FLG2: variants seen among roughly 807,000 people sequenced by gnomAD.
FLG2 encodes filaggrin 2.
FLG2 carries 7 observed loss-of-function variants against 3.9 expected under a neutral mutation model. The observed-to-expected ratio is 1.79, with a 90% CI of 1.02 to 3.36. The LOEUF (loss-of-function observed/expected upper bound fraction) is 3.36, where lower values mean the gene tolerates loss of function less well. FLG2 is among the 30% of genes most tolerant of loss of function. The pLI, the probability that FLG2 is intolerant of heterozygous loss-of-function variation, is 0.00. For missense variants in FLG2, 2,700 were observed against 2,809.4 expected, an observed-to-expected ratio of 0.96 and a Z score of 0.88; for synonymous variants, 1,031 against 1,056.1, an observed-to-expected ratio of 0.98 and a Z score of 0.46.
At position 152,355,172 on chromosome 1, in the gene FLG2, C is replaced by G; in HGVS notation, c.2614G>C (p.Gly872Arg). ...TGACCTGAGCTTGACCTGTGTTGTC[C>G]AAAGCCAGATGTCTGTCCCGAACTT... Reference protein sequence around the residue: ...GSSSGQTSGFGQHRSSSGQYS... With the variant: ...GSSSGQTSGFRQHRSSSGQYS... The change falls in exon 3 of 3, where the codon GGA (glycine) becomes CGA (arginine). Residue 872 changes from glycine to arginine, a missense_variant. Gly to Arg is a moderately radical substitution (Grantham distance 125). Transcript: ENST00000388718. 1 of 1,565,196 alleles carries G rather than the reference C, an allele frequency of 6.4e-7. No individual in the cohort carries two copies. Among genetic ancestry groups the G allele is most frequent in the Non-Finnish European group, 8.6e-7 (1 of 1,156,752 alleles).
chr1:152,351,223 A>G lies in FLG2; in HGVS notation c.6563T>C (p.Val2188Ala), dbSNP rs775406427. ...ATGTGTGGGTGAGGCCTCTGAGTGC[A>G]CTTCACTATCACTGGACTCACTGTG... ...SSHSESSDSEVHSEASPTHSG... is the reference protein window; with the variant it reads ...SSHSESSDSEAHSEASPTHSG... The change falls in exon 3 of 3, where the codon GTG (valine) becomes GCG (alanine). Residue 2188 changes from valine to alanine, a missense_variant. By Grantham distance (64) the Val-to-Ala change is moderately conservative (BLOSUM62 0). Coordinates refer to ENST00000388718, the MANE Select transcript of FLG2 (RefSeq NM_001014342.3). 1.4e-5 allele frequency: 22 copies of G among 1,611,338 alleles called. No individual in the cohort carries two copies. Among genetic ancestry groups the G allele is most frequent in the Non-Finnish European group, 1.8e-5 (21 of 1,179,258 alleles).
chr1:152,350,960 G>C lies in FLG2; in HGVS notation c.6826C>G (p.Gln2276Glu). ...CTTTGTTGAGATCCAGCTTGGCCCT[G>C]AATGTGTCCTGAATGTGTGTGTGAG... is the stretch of plus-strand genomic sequence containing the variant. Reference protein sequence around the residue: ...WGSHTHSGHIQGQAGSQQRQP... With the variant: ...WGSHTHSGHIEGQAGSQQRQP... The change falls in exon 3 of 3, where the codon CAG becomes GAG. Residue 2276 changes from glutamine to glutamate, a missense_variant. Transcript: ENST00000388718. The C allele has an allele frequency of 6.2e-7, 1 of 1,613,866 alleles. No homozygotes were observed. Among genetic ancestry groups the C allele is most frequent in the Non-Finnish European group, 8.5e-7 (1 of 1,179,916 alleles).
Position 152,351,118 on chromosome 1 carries a change from T to C in FLG2, c.6668A>G (p.His2223Arg), listed in dbSNP as rs751429529. The C allele has an allele frequency of 1.4e-5, 22 of 1,613,924 alleles. No individual in the cohort carries two copies. The highest frequency in any genetic ancestry group is 1.9e-5 in the Non-Finnish European group (22 of 1,180,012). The stretch of plus-strand genomic sequence containing the variant: ...TCTAGTGGTATCTCCTGTCTGTCCA[T>C]GAGTAGTTCCCTGTCTCCCATGACC... ...SSGHGRQGTTHGQTGDTTRHA... is the reference protein window; with the variant it reads ...SSGHGRQGTTRGQTGDTTRHA... The change falls in exon 3 of 3, where the codon CAT becomes CGT. Residue 2223 changes from histidine (H) to arginine (R), a missense_variant. By Grantham distance (29) the His-to-Arg change is conservative. Transcript: ENST00000388718.
chr1:152,354,806 A>G lies in FLG2; in HGVS notation c.2980T>C (p.Ser994Pro). The G allele has an allele frequency of 6.2e-7, 1 of 1,612,890 alleles. No homozygotes were observed. The highest frequency in any genetic ancestry group is 8.5e-7 in the Non-Finnish European group (1 of 1,179,818). ...TGTTGGCCATAATTAGACTGACTTG[A>G]TCTAGACTCATGCTGTCCAAAGCCA... is the stretch of plus-strand genomic sequence containing the variant. Reference protein sequence around the residue: ...SSGFGQHESRSSQSNYGQHGS... With the variant: ...SSGFGQHESRPSQSNYGQHGS... The change falls in exon 3 of 3, where the codon TCA becomes CCA. Residue 994 changes from serine to proline, a missense_variant. Transcript: ENST00000388718.
Position 152,353,436 on chromosome 1 carries a change from G to T in FLG2, c.4350C>A (p.Ala1450=), listed in dbSNP as rs746195033. ...ATCCTGACTCTCCATGTTGAGATCC[G>T]GCTTGGCCATGAGTTTGTTCTTGTG... is the stretch of plus-strand genomic sequence containing the variant. ...PQSQEQTHGQ[A]GSQHGESGST... The change falls in exon 3 of 3, where the codon GCC becomes GCA. Residue 1450 remains alanine (A), a synonymous_variant. Coordinates refer to ENST00000388718, the MANE Select transcript of FLG2 (RefSeq NM_001014342.3). 3.7e-6 allele frequency: 6 copies of T among 1,601,330 alleles called. No homozygotes were observed. The highest frequency in any genetic ancestry group is 4.3e-6 in the Non-Finnish European group (5 of 1,175,768).
chr1:152,350,437 A>G lies in FLG2; in HGVS notation c.*173T>C. ...GGTGTTGTTTGACTGTTTATGAGTT[A>G]CTATAGAATGTCCATGACTAGATTC... On this transcript the variant is annotated 3_prime_UTR_variant, in exon 3 of 3. Coordinates refer to ENST00000388718, the MANE Select transcript of FLG2 (RefSeq NM_001014342.3). 3.7e-6 allele frequency: 3 copies of G among 805,210 alleles called. No individual in the cohort carries two copies. Among genetic ancestry groups the G allele is most frequent in the East Asian group, 2.7e-5 (1 of 37,180 alleles). 49.9% of individuals were successfully genotyped at this position (805,210 alleles called of 1,614,324 possible).
In FLG2 at chr1:152,356,385, G is replaced by T. The variant is rs544027602; in HGVS notation, c.1401C>A (p.Asp467Glu). The T allele has an allele frequency of 1.2e-6, 2 of 1,614,086 alleles. No individual in the cohort carries two copies. Among genetic ancestry groups the T allele is most frequent in the South Asian group, 2.2e-5 (2 of 91,076 alleles). Residue 467 changes from aspartate (D) to glutamate (E), a missense_variant, in exon 3 of 3, where the codon GAC (aspartate) becomes GAA (glutamate). By Grantham distance (45) the Asp-to-Glu change is conservative (BLOSUM62 2). Transcript: ENST00000388718. ...TCTTACCTGAGCTAGACCCATGCTG[G>T]TCATAGCCCAAGGATTGACTTGATG... The part of the protein sequence containing the change: ...ESTSSQSLGY[D>E]QHGSSSGKTS...
At position 152,355,645 on chromosome 1, in the gene FLG2, C is replaced by T. The variant is rs959783592; in HGVS notation, c.2141G>A (p.Gly714Glu). 5.6e-6 allele frequency: 9 copies of T among 1,612,912 alleles called. No individual in the cohort carries two copies. Among genetic ancestry groups the T allele is most frequent in the South Asian group, 1.1e-5 (1 of 91,022 alleles). The change falls in exon 3 of 3, where the codon GGA becomes GAA. Residue 714 changes from glycine (G) to glutamate (E), a missense_variant. Gly to Glu is a moderately conservative substitution (Grantham distance 98). Coordinates refer to ENST00000388718, the MANE Select transcript of FLG2 (RefSeq NM_001014342.3). ...GTGTTGTCCAAATCCAGATGTCTGT[C>T]CTGAACTTGACCCATGTTGACCATA... ...SGYGQHGSSS[G>E]QTSGFGQHEL...
Position 152,352,643 on chromosome 1 carries a change from G to A in FLG2, c.5143C>T (p.Gln1715Ter), listed in dbSNP as rs1201784071. The A allele has an allele frequency of 1.2e-6, 2 of 1,613,902 alleles. No individual in the cohort carries two copies. The highest frequency in any genetic ancestry group is 2.2e-5 in the East Asian group (1 of 44,844). Residue 1715 changes from glutamine to a stop codon, truncating the protein, a stop_gained, in exon 3 of 3, where the codon CAG (glutamine) becomes TAG (stop). Coordinates refer to ENST00000388718, the MANE Select transcript of FLG2 (RefSeq NM_001014342.3). LOFTEE classifies it low-confidence loss of function (END_TRUNC). ...CTTCCAGTAGTCCTGGACCCTGTCT[G>A]TGTGGTTAATCCATGATGATAGTGG... ...HAHYHHGLTT[Q>*]TGSRTTGRRG... is the part of the protein sequence containing the mutation.
chr1:152,353,263 T>G lies in FLG2; in HGVS notation c.4523A>C (p.Glu1508Ala). 2 of 1,568,608 alleles carry G rather than the reference T, an allele frequency of 1.3e-6. No individual in the cohort carries two copies. Among genetic ancestry groups the G allele is most frequent in the Non-Finnish European group, 1.7e-6 (2 of 1,156,414 alleles). The change falls in exon 3 of 3, where the codon GAA becomes GCA. Residue 1508 changes from glutamate to alanine, a missense_variant. Physicochemically the swap from Glu to Ala is moderately radical, Grantham distance 107. Coordinates refer to ENST00000388718, the MANE Select transcript of FLG2 (RefSeq NM_001014342.3). The stretch of plus-strand genomic sequence containing the variant: ...TGTGTGCGAGCCCCCTGAGTGCACT[T>G]CACTGTCACTGGACTCACTGTGGCC... The part of the protein sequence containing the change: ...GSGHSESSDS[E>A]VHSGGSHTHS...
chr1:152,358,867 T>C lies in FLG2; in HGVS notation c.18A>G (p.Arg6=). 1 of 1,612,934 alleles carries C rather than the reference T, an allele frequency of 6.2e-7. No homozygotes were observed. Among genetic ancestry groups the C allele is most frequent in the Non-Finnish European group, 8.5e-7 (1 of 1,179,638 alleles). MTDLL[R]SVVTVIDVFY... is the part of the protein sequence containing the mutation. ...AAACATCAATTACGGTGACAACACTTCTCAAGAGGTCGGTCATCTTTTTGC... is the reference window on the plus strand; with the variant it reads ...AAACATCAATTACGGTGACAACACTCCTCAAGAGGTCGGTCATCTTTTTGC... Residue 6 remains arginine (R), a synonymous_variant, in exon 2 of 3, where the codon AGA becomes AGG. Coordinates refer to ENST00000388718, the MANE Select transcript of FLG2 (RefSeq NM_001014342.3).
chr1:152,350,791 C>T lies in FLG2; in HGVS notation c.6995G>A (p.Ser2332Asn), dbSNP rs755900803. 3 of 1,614,206 alleles carry T rather than the reference C, an allele frequency of 1.9e-6. No individual in the cohort carries two copies. The Admixed American group carries it at 5.0e-5, about 27-fold the overall frequency. ...TGATCCATGCCTTTGCCTTTCACTA[C>T]TATGTGACTGAAAATGACTTGCTCT... ...SSRASHFQSH[S>N]SERQRHGSSQ... is the part of the protein sequence containing the mutation. Residue 2332 changes from serine to asparagine, a missense_variant, in exon 3 of 3, where the codon AGT (serine) becomes AAT (asparagine). Ser to Asn is a conservative substitution (Grantham distance 46, BLOSUM62 1). Coordinates refer to ENST00000388718, the MANE Select transcript of FLG2 (RefSeq NM_001014342.3).
chr1:152,356,526 C>T lies in FLG2; in HGVS notation c.1260G>A (p.Gly420=). ...AGCTAGTAGACTGACTTGAACCAGACCCATATTGATCACATTTGGAAAATT... is the reference window on the plus strand; with the variant it reads ...AGCTAGTAGACTGACTTGAACCAGATCCATATTGATCACATTTGGAAAATT... ...SNEFSKCDQY[G]SGSSQSTSFE... Residue 420 remains glycine (G), a synonymous_variant, in exon 3 of 3, where the codon GGG becomes GGA. Transcript: ENST00000388718. 1.2e-6 allele frequency: 2 copies of T among 1,614,224 alleles called. No individual in the cohort carries two copies. The highest frequency in any genetic ancestry group is 8.5e-7 in the Non-Finnish European group (1 of 1,180,046).
Position 152,351,722 on chromosome 1 carries a change from T to G in FLG2, c.6064A>C (p.Thr2022Pro). ...TGGCCAGATGCCCTTCTTCCAGTTG[T>G]CCTGGACCCTCTCTGTGTGGACTGT... Reference protein sequence around the residue: ...HGQSTQRGSRTTGRRASGHSE... With the variant: ...HGQSTQRGSRPTGRRASGHSE... The change falls in exon 3 of 3, where the codon ACA (threonine) becomes CCA (proline). Residue 2022 changes from threonine to proline, a missense_variant. Thr to Pro is a conservative substitution (Grantham distance 38). Transcript: ENST00000388718. 1 of 1,610,648 alleles carries G rather than the reference T, an allele frequency of 6.2e-7. No individual in the cohort carries two copies. The highest frequency in any genetic ancestry group is 8.5e-7 in the Non-Finnish European group (1 of 1,179,356).
In FLG2 at chr1:152,356,537, C is replaced by T. The variant is rs2101681301; in HGVS notation, c.1249G>A (p.Asp417Asn). The T allele has an allele frequency of 6.2e-7, 1 of 1,614,214 alleles. No homozygotes were observed. Among genetic ancestry groups the T allele is most frequent in the Non-Finnish European group, 8.5e-7 (1 of 1,180,040 alleles). The change falls in exon 3 of 3, where the codon GAT (aspartate) becomes AAT (asparagine). Residue 417 changes from aspartate to asparagine, a missense_variant. Asp to Asn is a conservative substitution (Grantham distance 23). Transcript: ENST00000388718. ...TGACTTGAACCAGACCCATATTGAT[C>T]ACATTTGGAAAATTCATTTGAACTA... is the stretch of plus-strand genomic sequence containing the variant. ...SSSSNEFSKC[D>N]QYGSGSSQST...
At position 152,352,937 on chromosome 1, in the gene FLG2, G is replaced by A. The variant is rs767121785; in HGVS notation, c.4849C>T (p.His1617Tyr). The A allele has an allele frequency of 3.7e-6, 6 of 1,613,370 alleles. No homozygotes were observed. In the East Asian group the frequency reaches 1.1e-4, roughly 30 times the overall value. The change falls in exon 3 of 3, where the codon CAC (histidine) becomes TAC (tyrosine). Residue 1617 changes from histidine (H) to tyrosine (Y), a missense_variant. Coordinates refer to ENST00000388718, the MANE Select transcript of FLG2 (RefSeq NM_001014342.3). ...EEPEFTVHER[H>Y]GTTHGQIGDT... ...CCTATCTGTCCATGAGTAGTTCCGTGTCTCTCATGAACTGTGAATTCTGGC... is the reference window on the plus strand; with the variant it reads ...CCTATCTGTCCATGAGTAGTTCCGTATCTCTCATGAACTGTGAATTCTGGC...
rs191207410 is a variant in FLG2, at chr1:152,357,421, G to T, written c.365C>A (p.Thr122Lys). ...TCTGTAACCTGATTTATGTCCTGGT[G>T]TATCCTCTTCATCCTCTTCTGTTTC... ...ESETEEDEEDTPGHKSGYRHS... is the reference protein window; with the variant it reads ...ESETEEDEEDKPGHKSGYRHS... The change falls in exon 3 of 3, where the codon ACA becomes AAA. Residue 122 changes from threonine to lysine, a missense_variant. Thr to Lys is a moderately conservative substitution (Grantham distance 78). Coordinates refer to ENST00000388718, the MANE Select transcript of FLG2 (RefSeq NM_001014342.3). 2 of 1,614,018 alleles carry T rather than the reference G, an allele frequency of 1.2e-6. No individual in the cohort carries two copies. Among genetic ancestry groups the T allele is most frequent in the Non-Finnish European group, 1.7e-6 (2 of 1,180,026 alleles).
chr1:152,358,544 T>C (rs1435515415), intron 2 of FLG2, among the ~76,000 whole-genome samples: 1 of 152,068 alleles, frequency 6.6e-6, no homozygotes, highest in Non-Finnish European at 1.5e-5. Flanking sequence ...GAGGTAGGAG[T>C]GCATAGGTGG....
rs771013080 is a variant in FLG2 at position 152,353,003 on chromosome 1, G to T, written c.4783C>A (p.Arg1595=). 3 of 1,613,120 alleles carry T rather than the reference G, an allele frequency of 1.9e-6. No individual in the cohort carries two copies. Among genetic ancestry groups the T allele is most frequent in the Middle Eastern group, 1.7e-4 (1 of 6,060 alleles). ...CCGGCTTGGCCGTAAGTGTGTTCTCGTGAGTGTGGTCTGTGTGAGCCCCCT... is the reference window on the plus strand; with the variant it reads ...CCGGCTTGGCCGTAAGTGTGTTCTCTTGAGTGTGGTCTGTGTGAGCCCCCT... The part of the protein sequence containing the change: ...HSGGSHRPHS[R]EHTYGQAGSQ... Residue 1595 remains arginine (R), a synonymous_variant, in exon 3 of 3, where the codon CGA becomes AGA. Transcript: ENST00000388718.
Sources: allele counts gnomAD v4.1 joint callset (sites outside exome capture counted in the v4.1 genomes callset), GRCh38; gene constraint gnomAD v4.1.1; transcripts MANE v1.5; gene names NCBI Gene and HGNC (gene_info 2026-07-23, HGNC 2026-07-21).